The following MAD1L1 variants were observed in gnomAD, a reference collection of about 807,000 sequenced individuals.
MAD1L1 encodes mitotic spindle assembly checkpoint protein MAD1.
A neutral mutation model predicts 96.9 loss-of-function variants in MAD1L1; 95 were observed. That is an observed-to-expected ratio of 0.98 (90% CI 0.83 to 1.16). MAD1L1 has a LOEUF of 1.16. MAD1L1 is among the 50% of genes most tolerant of loss of function. The probability of loss-of-function intolerance (pLI) is 0.00; values close to 1 mark genes in which losing one functional copy is unlikely to be tolerated. For missense variants in MAD1L1, 1,007 were observed against 954.4 expected (o/e 1.06, Z -0.73); for synonymous variants, 473 against 396.6 (o/e 1.19, Z -2.29).
At chr7:1,946,004 C>T (rs781550785) in intron 16 of MAD1L1, among the ~76,000 whole-genome samples, 2 of 152,194 alleles carry the variant, frequency 1.3e-5, no homozygotes, top group Non-Finnish European at 2.9e-5. Flanking sequence ...GGGTTCTGCA[C>T]TGGGGCCAGG....
chr7:1,891,845 T>C (rs899426135), intron 18 of MAD1L1, among the ~76,000 whole-genome samples: 2 of 152,138 alleles, frequency 1.3e-5, no homozygotes, highest in African/African-American at 2.4e-5. Flanking sequence ...CCTCCCCAAA[T>C]GTTAGGATTA....
chr7:2,225,843 G>A (rs1239324183), intron 3 of MAD1L1, among the ~76,000 whole-genome samples: 1 of 152,234 alleles, frequency 6.6e-6, no homozygotes, highest in Non-Finnish European at 1.5e-5. Context: ...GGCTCCGTGG[G>A]TCGGAAGTCC....
intron 11 of MAD1L1, among the ~76,000 whole-genome samples, chr7:2,105,929 T>C (rs1787066156): frequency 6.6e-6 from 1 of 151,674 alleles, no homozygotes; most frequent in African/African-American, 2.4e-5. Flanking sequence ...CAGAGCCCTA[T>C]CCAGCTGCGG....
At chr7:2,172,131 G>A (rs1486178130) in intron 10 of MAD1L1, among the ~76,000 whole-genome samples, 1 of 152,106 alleles carries the variant, frequency 6.6e-6, no homozygotes, top group African/African-American at 2.4e-5. Flanking sequence ...AGGGTGGCAG[G>A]GAGGACTGCT....
chr7:2,103,241 TC>T lies in MAD1L1; in HGVS notation c.1074-33904del. 6.6e-6 allele frequency among the ~76,000 whole-genome samples: 1 copy of T among 152,108 alleles called. No individual in the cohort carries two copies. Among genetic ancestry groups the T allele is most frequent in the South Asian group, 2.1e-4 (1 of 4,822 alleles). ...GGTGTGTCCAGAGGGAGGCCGTCCA[TC>T]CGGCCACGCTGAGGGCCGGGTCGCA... On this transcript the variant is annotated intron_variant, in intron 11 of 18. Transcript: ENST00000265854. This position sits in a 1 kb window ranked among gnomAD's most constrained non-coding sequence, Gnocchi z 4.3.
At chr7:2,203,475 C>G (rs1792423248) in intron 10 of MAD1L1, among the ~76,000 whole-genome samples, 1 of 152,226 alleles carries the variant, frequency 6.6e-6, no homozygotes, top group South Asian at 2.1e-4. Flanking sequence ...CTAGGAGTCT[C>G]AAACGCACAT....
Position 1,957,630 on chromosome 7 carries a change from T to A in MAD1L1, c.1595A>T (p.Gln532Leu), listed in dbSNP as rs537923256. The A allele has an allele frequency of 1.2e-6, 2 of 1,613,832 alleles. No homozygotes were observed. The highest frequency in any genetic ancestry group is 1.7e-5 in the Admixed American group (1 of 60,024). ...ACCCAGAGGCTGCCCCGCCCTCACC[T>A]GCAGAGCTCGCCGCTCCAGCTGTGC... Reference protein sequence around the residue: ...LEAQLERRALQGDYDQSRTKV... With the variant: ...LEAQLERRALLGDYDQSRTKV... Residue 532 changes from glutamine (Q) to leucine (L), a missense_variant and splice_region_variant, in exon 16 of 19, where the codon CAG (glutamine) becomes CTG (leucine). Coordinates refer to ENST00000265854, the MANE Select transcript of MAD1L1 (RefSeq NM_001013836.2).
intron 11 of MAD1L1, among the ~76,000 whole-genome samples, chr7:2,093,159 C>T (rs1283297504): frequency 6.8e-6 from 1 of 148,030 alleles, no homozygotes; most frequent in Admixed American, 6.8e-5. Flanking sequence ...GCGGAAGAAT[C>T]GCTTAAACCC....
In MAD1L1 at chr7:2,230,048, G is replaced by C; in HGVS notation, c.86C>G (p.Ser29Cys). ...GGCCGAGGTAGAAATATCCAGTCCA[G>C]AGCCTCCCTCCACACGCTGAGAGAT... Reference protein sequence around the residue: ...NFISQRVEGGSGLDISTSAPG... With the variant: ...NFISQRVEGGCGLDISTSAPG... The change falls in exon 3 of 19, where the codon TCT (serine) becomes TGT (cysteine). Residue 29 changes from serine (S) to cysteine (C), a missense_variant. Physicochemically the swap from Ser to Cys is moderately radical, Grantham distance 112 (BLOSUM62 -1). Coordinates refer to ENST00000265854, the MANE Select transcript of MAD1L1 (RefSeq NM_001013836.2). 1 of 1,613,770 alleles carries C rather than the reference G, an allele frequency of 6.2e-7. No individual in the cohort carries two copies. The highest frequency in any genetic ancestry group is 8.5e-7 in the Non-Finnish European group (1 of 1,179,938).
intron 11 of MAD1L1, among the ~76,000 whole-genome samples, chr7:2,123,086 G>A (rs984077048): frequency 3.9e-5 from 6 of 151,950 alleles, no homozygotes; most frequent in African/African-American, 1.2e-4. Context: ...GGTGGATCAC[G>A]AGGTCAGGAG....
intron 17 of MAD1L1, among the ~76,000 whole-genome samples, chr7:1,931,833 T>C (rs531589582): frequency 7.2e-4 from 110 of 152,350 alleles, no homozygotes; most frequent in African/African-American, 2.5e-3. Flanking sequence ...CCAATGGTCG[T>C]CCTGCTTCCC....
intron 11 of MAD1L1, among the ~76,000 whole-genome samples, chr7:2,134,522 T>C (rs1213242259): frequency 1.3e-5 from 2 of 152,264 alleles, no homozygotes; most frequent in Non-Finnish European, 2.9e-5. Context: ...ATAGGAGTGG[T>C]GAGTGGGACT....
At chr7:2,231,730 G>A (rs1794200684) in intron 1 of MAD1L1, among the ~76,000 whole-genome samples, 1 of 152,066 alleles carries the variant, frequency 6.6e-6, no homozygotes, top group South Asian at 2.1e-4. Flanking sequence ...TTTATTTCTA[G>A]TGACATTAAT....
At chr7:1,918,319 C>T (rs1291257367) in intron 17 of MAD1L1, among the ~76,000 whole-genome samples, 1 of 152,210 alleles carries the variant, frequency 6.6e-6, no homozygotes, top group Non-Finnish European at 1.5e-5. Flanking sequence ...CTCCCCACAC[C>T]TCTGCTGACT....
At chr7:2,210,211 T>G (rs1385745646) in intron 10 of MAD1L1, among the ~76,000 whole-genome samples, 1 of 152,172 alleles carries the variant, frequency 6.6e-6, no homozygotes, top group Non-Finnish European at 1.5e-5. Flanking sequence ...TAGCTGGGAC[T>G]ACAGGTGCAC....
intron 18 of MAD1L1, among the ~76,000 whole-genome samples, chr7:1,887,020 G>A (rs1231636832): frequency 6.6e-6 from 1 of 152,270 alleles, no homozygotes; most frequent in South Asian, 2.1e-4. Context: ...ACAGGAAGAA[G>A]ACTCCACATC....
At chr7:1,910,966 C>T (rs572431683) in intron 17 of MAD1L1, among the ~76,000 whole-genome samples, 5 of 152,330 alleles carry the variant, frequency 3.3e-5, no homozygotes, top group African/African-American at 1.2e-4. Flanking sequence ...CATCCCGTGA[C>T]CGGAGGCCCT....
chr7:1,847,588 G>A (rs1386622609), intron 18 of MAD1L1: 1 of 470,994 alleles, frequency 2.1e-6, no homozygotes, highest in African/African-American at 2.0e-5. Flanking sequence ...TCTGAAACCG[G>A]GATGCACACA....
intron 18 of MAD1L1, among the ~76,000 whole-genome samples, chr7:1,840,258 T>C (rs946062503): frequency 4.6e-5 from 7 of 152,020 alleles, no homozygotes; most frequent in African/African-American, 1.7e-4. Context: ...GCCAGAAACA[T>C]CTCCCCAACC....
Sources: allele counts gnomAD v4.1 joint callset (sites outside exome capture counted in the v4.1 genomes callset), GRCh38; gene constraint gnomAD v4.1.1; non-coding constraint Gnocchi (gnomAD v3.1); transcripts MANE v1.5; gene names NCBI Gene and HGNC (gene_info 2026-07-23, HGNC 2026-07-21).